ADARB2: variants seen among roughly 807,000 people sequenced by gnomAD.
ADARB2 encodes inactive double-stranded RNA-specific editase B2.
In ADARB2, 25 loss-of-function variants were observed where a neutral mutation model predicts 62.2. That is an observed-to-expected ratio of 0.40 (90% CI 0.29 to 0.56). The LOEUF (loss-of-function observed/expected upper bound fraction) is 0.56, where lower values mean the gene tolerates loss of function less well. Ranked by LOEUF, ADARB2 falls within the 20% of genes least tolerant of loss-of-function variation. ADARB2 has a pLI of 0.43. For synonymous variants in ADARB2, 572 were observed against 500.8 expected (o/e 1.14, Z -1.90); for missense variants, 1,071 against 1,077.4 (o/e 0.99, Z 0.08).
intron 8 of ADARB2, among the ~76,000 whole-genome samples, chr10:1,185,356 A>G (rs1378502111): frequency 6.6e-6 from 1 of 152,176 alleles, no homozygotes; most frequent in Non-Finnish European, 1.5e-5. Flanking sequence ...GAATGAATGA[A>G]CAGAGCCACG....
intron 4 of ADARB2, among the ~76,000 whole-genome samples, chr10:1,266,122 AGGTCCACGCTCTCCCGGAAGACAC>A (rs1403105168): frequency 1.3e-5 from 2 of 151,764 alleles, no homozygotes; most frequent in South Asian, 2.1e-4. Flanking sequence ...GGCCTGAGCC[AGGTCCACGCTCTCCCGGAAGACAC>A]GGTCCACGCC....
chr10:1,695,206 C>G (rs916602783), intron 1 of ADARB2, among the ~76,000 whole-genome samples: 4 of 152,200 alleles, frequency 2.6e-5, no homozygotes, highest in African/African-American at 9.7e-5. Context: ...CAGACACCAG[C>G]TGCCCTGCAT....
At chr10:1,647,579 G>A (rs1834059963) in intron 1 of ADARB2, among the ~76,000 whole-genome samples, 1 of 152,052 alleles carries the variant, frequency 6.6e-6, no homozygotes, top group Admixed American at 6.6e-5. Context: ...ATGTATGTGT[G>A]TGTATAGTGT....
chr10:1,731,287 A>T (rs1166335583), intron 1 of ADARB2, among the ~76,000 whole-genome samples: 1 of 152,240 alleles, frequency 6.6e-6, no homozygotes, highest in East Asian at 1.9e-4. Context: ...GCAATCAGAT[A>T]AAATAGCCCC....
Position 1,218,050 on chromosome 10 carries a change from TTTTTG to T in ADARB2, c.1514-936_1514-932del, listed in dbSNP as rs1324317458. ...TCTTTCTTTGAAAAAATTTTGTATG[TTTTTG>T]TTTTGTTTTGTTTGAGATGGAGTCT... On this transcript the variant is annotated intron_variant, in intron 6 of 9. Coordinates refer to ENST00000381312, the MANE Select transcript of ADARB2 (RefSeq NM_018702.4). 2.6e-5 allele frequency among the ~76,000 whole-genome samples: 4 copies of T among 152,026 alleles called. No individual in the cohort carries two copies. The East Asian group carries it at 5.8e-4, about 22-fold the overall frequency.
At chr10:1,530,506 G>A (rs369808268) in intron 1 of ADARB2, among the ~76,000 whole-genome samples, 14 of 152,330 alleles carry the variant, frequency 9.2e-5, no homozygotes, top group East Asian at 7.7e-4. Context: ...CCAGGGTCAC[G>A]TGGCCTCTGT....
At chr10:1,623,634 G>A (rs141984669) in intron 1 of ADARB2, among the ~76,000 whole-genome samples, 6 of 152,290 alleles carry the variant, frequency 3.9e-5, no homozygotes, top group South Asian at 2.1e-4. Context: ...CCGTTGTACC[G>A]TCATCACCTT....
intron 4 of ADARB2, among the ~76,000 whole-genome samples, chr10:1,243,410 C>T (rs1485146638): frequency 1.3e-5 from 2 of 152,230 alleles, no homozygotes; most frequent in South Asian, 2.1e-4. Flanking sequence ...TAAATAAAAT[C>T]GACTAATTAA....
At chr10:1,692,176 A>AT (rs1834682101) in intron 1 of ADARB2, among the ~76,000 whole-genome samples, 1 of 152,228 alleles carries the variant, frequency 6.6e-6, no homozygotes, top group Admixed American at 6.5e-5. Flanking sequence ...AGAGGTTAGA[A>AT]TTCAGAGCTA....
chr10:1,382,578 G>A (rs1832492528), intron 1 of ADARB2, among the ~76,000 whole-genome samples: 3 of 152,130 alleles, frequency 2.0e-5, no homozygotes, highest in African/African-American at 2.4e-5. Context: ...GGGATCTGAT[G>A]TATATTCTGT....
In ADARB2 at chr10:1,731,793, C is replaced by T. The variant is rs79515438; in HGVS notation, c.100+5258G>A. On this transcript the variant is annotated intron_variant, in intron 1 of 9. Transcript: ENST00000381312. Reference sequence around the variant, plus strand: ...TCTTGAGCTATCCTAACCACAGAGACGGCATCAACACACAGTAGTTTGAAT... The same window carrying T: ...TCTTGAGCTATCCTAACCACAGAGATGGCATCAACACACAGTAGTTTGAAT... 1.5e-3 allele frequency among the ~76,000 whole-genome samples: 229 copies of T among 152,274 alleles called. 5 individuals carry two copies. In the East Asian group the frequency reaches 0.031, roughly 21 times the overall value.
At position 1,445,435 on chromosome 10, in the gene ADARB2, A is replaced by G. The variant is rs553453067; in HGVS notation, c.101-66275T>C. On this transcript the variant is annotated intron_variant, in intron 1 of 9. Coordinates refer to ENST00000381312, the MANE Select transcript of ADARB2 (RefSeq NM_018702.4). Reference sequence around the variant, plus strand: ...CATCCATCCTTCCATCTATCCACGCATCTATCCATCCATCCACCCACCCAT... The same window carrying G: ...CATCCATCCTTCCATCTATCCACGCGTCTATCCATCCATCCACCCACCCAT... 1.4e-3 allele frequency among the ~76,000 whole-genome samples: 215 copies of G among 148,366 alleles called. 2 individuals carry two copies. The highest frequency in any genetic ancestry group is 5.1e-3 in the African/African-American group (204 of 40,136).
At chr10:1,585,417 T>C (rs1833162732) in intron 1 of ADARB2, among the ~76,000 whole-genome samples, 1 of 152,162 alleles carries the variant, frequency 6.6e-6, no homozygotes, top group Non-Finnish European at 1.5e-5. Flanking sequence ...TCCCTCGTGA[T>C]TTGCCCACAA....
intron 4 of ADARB2, among the ~76,000 whole-genome samples, chr10:1,258,116 C>A (rs1159962790): frequency 3.3e-5 from 5 of 152,132 alleles, no homozygotes; most frequent in Admixed American, 2.0e-4. Context: ...TCCTAGCTCT[C>A]TCTTTTTCTC....
At chr10:1,626,201 CTCG>C (rs1403267023) in intron 1 of ADARB2, among the ~76,000 whole-genome samples, 1 of 147,370 alleles carries the variant, frequency 6.8e-6, no homozygotes, top group Admixed American at 6.7e-5. Flanking sequence ...TCTGCCCACG[CTCG>C]CTCCTGCATG....
chr10:1,636,152 A>C lies in ADARB2; in HGVS notation c.100+100899T>G, dbSNP rs561023844. The stretch of plus-strand genomic sequence containing the variant: ...AGAAATAGCTCAACGGAGCGAGTTG[A>C]GGGGGGTGCAAGACATAAAGCAAGG... On this transcript the variant is annotated intron_variant, in intron 1 of 9. Coordinates refer to ENST00000381312, the MANE Select transcript of ADARB2 (RefSeq NM_018702.4). Among the ~76,000 whole-genome samples, 4 of 152,184 alleles carry C rather than the reference A, an allele frequency of 2.6e-5. No homozygotes were observed. The East Asian group carries it at 7.8e-4, about 29-fold the overall frequency.
intron 8 of ADARB2, among the ~76,000 whole-genome samples, chr10:1,187,679 C>A (rs1399399236): frequency 6.6e-6 from 1 of 152,200 alleles, no homozygotes; most frequent in Non-Finnish European, 1.5e-5. Flanking sequence ...CCAGGCATGA[C>A]GAGGCCCAAA....
intron 1 of ADARB2, among the ~76,000 whole-genome samples, chr10:1,599,328 C>T (rs571847360): frequency 8.5e-5 from 13 of 152,190 alleles, no homozygotes; most frequent in South Asian, 2.1e-4. Context: ...AGGATGATGA[C>T]GGGTGAAATT....
intron 1 of ADARB2, among the ~76,000 whole-genome samples, chr10:1,391,668 A>G (rs1482379217): frequency 1.3e-5 from 2 of 152,058 alleles, no homozygotes; most frequent in African/African-American, 4.8e-5. Flanking sequence ...ATGTTATGTC[A>G]GTTATCTGGA....
Sources: allele counts gnomAD v4.1 joint callset (sites outside exome capture counted in the v4.1 genomes callset), GRCh38; gene constraint gnomAD v4.1.1; transcripts MANE v1.5; gene names NCBI Gene and HGNC (gene_info 2026-07-23, HGNC 2026-07-21).